Variants in MAD1L1 observed in about 807,000 individuals in gnomAD.
The protein encoded by MAD1L1 is mitotic arrest deficient 1 like 1, also known as mitotic spindle assembly checkpoint protein MAD1.
In MAD1L1, 95 loss-of-function variants were observed where a neutral mutation model predicts 96.9. That is an observed-to-expected ratio of 0.98 (90% CI 0.83 to 1.16). MAD1L1 has a LOEUF of 1.16. Among genes scored for constraint, MAD1L1 ranks in the 50% most tolerant of loss-of-function variants. MAD1L1 has a pLI of 0.00. For missense variants in MAD1L1, 1,007 were observed against 954.4 expected (o/e 1.06, Z -0.73); for synonymous variants, 473 against 396.6 (o/e 1.19, Z -2.29).
chr7:2,046,056 G>C (rs1212346067), intron 12 of MAD1L1, among the ~76,000 whole-genome samples: 2 of 152,144 alleles, frequency 1.3e-5, no homozygotes, highest in Admixed American at 6.5e-5. Flanking sequence ...TGCTGCAGTG[G>C]CCACCTCGGC....
At chr7:1,841,665 G>A (rs1309425784) in intron 18 of MAD1L1, among the ~76,000 whole-genome samples, 2 of 152,326 alleles carry the variant, frequency 1.3e-5, no homozygotes, top group African/African-American at 2.4e-5. Context: ...GGGACCCAAG[G>A]GGCCAGTCCG....
intron 17 of MAD1L1, among the ~76,000 whole-genome samples, chr7:1,932,611 G>T (rs188362469): frequency 6.6e-6 from 1 of 152,254 alleles, no homozygotes; most frequent in African/African-American, 2.4e-5. Context: ...TGACCTCTGT[G>T]TTTCTTCTCT....
At chr7:1,880,708 C>A (rs1463209072) in intron 18 of MAD1L1, among the ~76,000 whole-genome samples, 1 of 152,208 alleles carries the variant, frequency 6.6e-6, no homozygotes, top group African/African-American at 2.4e-5. Flanking sequence ...GTGTGGTCAG[C>A]AGAAAGCACC....
intron 11 of MAD1L1, among the ~76,000 whole-genome samples, chr7:2,081,034 G>C (rs1041680860): frequency 5.3e-5 from 8 of 152,214 alleles, no homozygotes; most frequent in Non-Finnish European, 1.2e-4. Flanking sequence ...GTTCCTGAAG[G>C]GTGAGAAGAT....
At chr7:2,116,420 G>A (rs962531296) in intron 11 of MAD1L1, among the ~76,000 whole-genome samples, 1 of 152,196 alleles carries the variant, frequency 6.6e-6, no homozygotes, top group Non-Finnish European at 1.5e-5. Flanking sequence ...TAAGAGACAA[G>A]AGCCTTGCCA....
chr7:1,886,242 A>G (rs1786017947), intron 18 of MAD1L1, among the ~76,000 whole-genome samples: 1 of 152,162 alleles, frequency 6.6e-6, no homozygotes, highest in Non-Finnish European at 1.5e-5. Context: ...CCCCTCCAAG[A>G]GCCTGGAGTC....
At chr7:2,095,849 C>T (rs1054184052) in intron 11 of MAD1L1, among the ~76,000 whole-genome samples, 5 of 152,222 alleles carry the variant, frequency 3.3e-5, no homozygotes, top group Non-Finnish European at 7.4e-5. Flanking sequence ...AGTGCATCCA[C>T]GCACACTTGC....
At chr7:1,992,335 G>A (rs1450804169) in intron 14 of MAD1L1, among the ~76,000 whole-genome samples, 1 of 152,240 alleles carries the variant, frequency 6.6e-6, no homozygotes, top group Non-Finnish European at 1.5e-5. Flanking sequence ...AACCTTCACT[G>A]GGATCAATGA....
At chr7:2,084,429 G>A (rs1014227599) in intron 11 of MAD1L1, among the ~76,000 whole-genome samples, 5 of 152,246 alleles carry the variant, frequency 3.3e-5, no homozygotes, top group African/African-American at 7.2e-5. Flanking sequence ...GCCCGGGCAG[G>A]GTGATGCCAG....
chr7:1,838,364 C>T (rs1473010369), intron 18 of MAD1L1, among the ~76,000 whole-genome samples: 6 of 152,234 alleles, frequency 3.9e-5, no homozygotes, highest in Non-Finnish European at 8.8e-5. Flanking sequence ...CATTTCCACA[C>T]ACAAGCTTGT....
chr7:2,017,158 G>A (rs1041974267), intron 12 of MAD1L1, among the ~76,000 whole-genome samples: 6 of 152,214 alleles, frequency 3.9e-5, no homozygotes, highest in Admixed American at 2.6e-4. Context: ...CAGCAGGCAC[G>A]GTGTGGGTGT....
At chr7:1,855,113 C>A (rs891525095) in intron 18 of MAD1L1, among the ~76,000 whole-genome samples, 1 of 152,278 alleles carries the variant, frequency 6.6e-6, no homozygotes, top group South Asian at 2.1e-4. Context: ...TGAAGAGCCG[C>A]GCGTGTTTGC....
intron 18 of MAD1L1, among the ~76,000 whole-genome samples, chr7:1,869,324 T>C (rs1784933395): frequency 6.6e-6 from 1 of 152,076 alleles, no homozygotes; most frequent in Admixed American, 6.5e-5. Flanking sequence ...GTTCCCAGCA[T>C]CTACCTCGGC....
intron 11 of MAD1L1, among the ~76,000 whole-genome samples, chr7:2,145,167 G>A (rs1407842697): frequency 6.6e-6 from 1 of 152,130 alleles, no homozygotes; most frequent in Non-Finnish European, 1.5e-5. Context: ...CACGTCCCGG[G>A]GACTGCCGAG....
At chr7:1,884,328 G>A (rs1298012524) in intron 18 of MAD1L1, among the ~76,000 whole-genome samples, 1 of 152,176 alleles carries the variant, frequency 6.6e-6, no homozygotes, top group Non-Finnish European at 1.5e-5. Context: ...TGCACCCCTA[G>A]CCACCGACCC....
At chr7:1,962,230 T>C (rs1779985152) in intron 15 of MAD1L1, among the ~76,000 whole-genome samples, 1 of 152,276 alleles carries the variant, frequency 6.6e-6, no homozygotes, top group African/African-American at 2.4e-5. Context: ...TCTGATTTTA[T>C]AAGGGGTTTC....
chr7:2,123,081 A>G (rs1291389089), intron 11 of MAD1L1, among the ~76,000 whole-genome samples: 1 of 151,752 alleles, frequency 6.6e-6, no homozygotes, highest in Non-Finnish European at 1.5e-5. Flanking sequence ...AGGCAGGTGG[A>G]TCACGAGGTC....
At chr7:1,841,299 C>T (rs552901175) in intron 18 of MAD1L1, among the ~76,000 whole-genome samples, 15 of 152,348 alleles carry the variant, frequency 9.8e-5, no homozygotes, top group African/African-American at 1.9e-4. Flanking sequence ...CTCTTGGCTC[C>T]GCGTCTCGCC....
intron 18 of MAD1L1, among the ~76,000 whole-genome samples, chr7:1,866,682 G>A (rs1234865529): frequency 1.3e-5 from 2 of 152,218 alleles, no homozygotes; most frequent in African/African-American, 2.4e-5. Flanking sequence ...CCTGCTTGGC[G>A]GGAGCGTTGG....
Sources: allele counts gnomAD v4.1 joint callset (sites outside exome capture counted in the v4.1 genomes callset), GRCh38; gene constraint gnomAD v4.1.1; transcripts MANE v1.5; gene names NCBI Gene and HGNC (gene_info 2026-07-23, HGNC 2026-07-21).